The following TNS1 variants were observed in gnomAD, a reference collection of about 807,000 sequenced individuals.
The protein encoded by TNS1 is tensin 1.
In TNS1, 62 loss-of-function variants were observed where a neutral mutation model predicts 168.6. The ratio of observed to expected loss-of-function variants is 0.37; its 90% CI spans 0.30 to 0.45. The LOEUF is 0.45. Ranked by LOEUF, TNS1 falls within the 20% of genes least tolerant of loss-of-function variation. TNS1 has a pLI of 1.00. For missense variants in TNS1, 2,240 were observed against 2,339.4 expected (o/e 0.96, Z 0.88); for synonymous variants, 934 against 933.2 (o/e 1.00, Z -0.02).
At chr2:217,941,336 T>C (rs1477131965) in intron 3 of TNS1, among the ~76,000 whole-genome samples, 3 of 152,056 alleles carry the variant, frequency 2.0e-5, no homozygotes, top group Non-Finnish European at 2.9e-5. Flanking sequence ...GTGCTTGCTG[T>C]CCCCTCAACT....
rs1958909211 is a variant in TNS1, at chr2:218,032,919, A to T, written c.156+901T>A. 6.6e-6 allele frequency among the ~76,000 whole-genome samples: 1 copy of T among 152,002 alleles called. No individual in the cohort carries two copies. The highest frequency in any genetic ancestry group is 2.4e-5 in the African/African-American group (1 of 41,378). On this transcript the variant is annotated intron_variant, in intron 1 of 1. Coordinates refer to the TNS1 transcript ENST00000649572. The surrounding 1 kb of genome is among the most constrained non-coding windows in gnomAD (Gnocchi z 4.0). ...CCCTGCCACTGTCACACACCGGCAC[A>T]CACACCCTCCCCTCTTTCTCCCCTT... is the stretch of plus-strand genomic sequence containing the variant.
Position 217,948,898 on chromosome 2 carries a change from AAGG to A in TNS1, c.187-28665_187-28663del, listed in dbSNP as rs3838558. ...CTTTGCTGCACATCCCCACCTCGGG[AAGG>A]AGAAGTGCTGGGCTTTCCACATTCC... On this transcript the variant is annotated intron_variant, in intron 3 of 32. Transcript: ENST00000682258. This position sits in a 1 kb window ranked among gnomAD's most constrained non-coding sequence, Gnocchi z 4.1. Among the ~76,000 whole-genome samples, 9,243 of 152,264 alleles carry A rather than the reference AAGG, an allele frequency of 0.061. 365 individuals carry two copies. The highest frequency in any genetic ancestry group is 0.1 in the African/African-American group (4,359 of 41,524).
At chr2:217,829,800 T>C in intron 22 of TNS1, 1 of 1,613,318 alleles carries the variant, frequency 6.2e-7, no homozygotes, top group Non-Finnish European at 8.5e-7. Context: ...TGAAAAGCCA[T>C]TTCCAGACCC....
At chr2:218,021,081 A>G (rs1164143281) in intron 1 of TNS1, among the ~76,000 whole-genome samples, 2 of 152,230 alleles carry the variant, frequency 1.3e-5, no homozygotes, top group Admixed American at 6.5e-5. Context: ...AGAGCACTGA[A>G]TAAGCCTGTG....
chr2:218,029,860 G>T (rs1244041016), intron 1 of TNS1, among the ~76,000 whole-genome samples: 1 of 152,198 alleles, frequency 6.6e-6, no homozygotes, highest in Non-Finnish European at 1.5e-5. Flanking sequence ...TGTTCAGTCA[G>T]TGGGAAGTTT....
intron 1 of TNS1, among the ~76,000 whole-genome samples, chr2:218,009,486 A>C (rs1958687176): frequency 1.3e-5 from 2 of 151,344 alleles, no homozygotes; most frequent in Admixed American, 1.3e-4. Flanking sequence ...CACCCACAGC[A>C]CTGCAGGTTC....
intron 7 of TNS1, among the ~76,000 whole-genome samples, chr2:217,899,275 C>A (rs1347463470): frequency 6.6e-6 from 1 of 152,126 alleles, no homozygotes; most frequent in African/African-American, 2.4e-5. Context: ...AGGTAAGGAG[C>A]CCGGTTTGAG....
At chr2:218,020,094 G>T (rs895966923) in intron 1 of TNS1, among the ~76,000 whole-genome samples, 1 of 152,052 alleles carries the variant, frequency 6.6e-6, no homozygotes, top group Non-Finnish European at 1.5e-5. Context: ...CAACAATAAG[G>T]GGTTCCTTTT....
intron 1 of TNS1, among the ~76,000 whole-genome samples, chr2:218,029,391 C>T (rs1249377112): frequency 6.6e-6 from 1 of 152,222 alleles, no homozygotes; most frequent in Non-Finnish European, 1.5e-5. Flanking sequence ...GAGACATCAT[C>T]AAAATGGAGG....
intron 2 of TNS1, 116 bp downstream of exon 2, chr2:217,990,826 C>T (rs1466116871): frequency 2.4e-5 from 10 of 421,846 alleles, no homozygotes; most frequent in East Asian, 3.4e-5. Flanking sequence ...GAGAACAAGG[C>T]GTCAGGTTGG....
At chr2:217,864,723 A>T (rs962847229) in intron 18 of TNS1, among the ~76,000 whole-genome samples, 8 of 152,230 alleles carry the variant, frequency 5.3e-5, no homozygotes, top group Non-Finnish European at 1.2e-4. Context: ...TTCTGGAAAC[A>T]AGTAGAACAC....
intron 32 of TNS1, among the ~76,000 whole-genome samples, chr2:217,806,130 C>G (rs1451097894): frequency 2.6e-5 from 4 of 152,200 alleles, no homozygotes; most frequent in African/African-American, 4.8e-5. Context: ...GGGTGTCTAC[C>G]AGGATGGAGA....
chr2:217,962,706 T>C (rs1054012017), intron 3 of TNS1, among the ~76,000 whole-genome samples: 9 of 152,106 alleles, frequency 5.9e-5, no homozygotes, highest in African/African-American at 9.7e-5. Flanking sequence ...CACACCCAAA[T>C]TGAGGGACAT....
At chr2:217,847,183 A>G (rs2125418899) in intron 19 of TNS1, among the ~76,000 whole-genome samples, 1 of 152,294 alleles carries the variant, frequency 6.6e-6, no homozygotes, top group South Asian at 2.1e-4. Flanking sequence ...TTGCTTTCCC[A>G]GGCTCTGGGA....
At chr2:217,893,337 C>A in intron 10 of TNS1, 102 bp downstream of exon 10, 1 of 1,460,758 alleles carries the variant, frequency 6.8e-7, no homozygotes, top group South Asian at 1.4e-5. Context: ...AAGATATAGG[C>A]AGGTACACAC....
At position 218,031,089 on chromosome 2, in the gene TNS1, TGA is replaced by T. The variant is rs369485390; in HGVS notation, c.156+2729_156+2730del. On this transcript the variant is annotated intron_variant, in intron 1 of 1. Coordinates refer to the TNS1 transcript ENST00000649572. ...GTGTATGTGTGTGTTTGTGAGTGTG[TGA>T]GCGTGTCTGTGTGTATGAGTGTGTG... Among the ~76,000 whole-genome samples, 924 of 148,818 alleles carry T rather than the reference TGA, an allele frequency of 6.2e-3. 15 individuals carry two copies. The highest frequency in any genetic ancestry group is 0.022 in the African/African-American group (853 of 39,154).
At chr2:217,908,071 T>G (rs1953919839) in intron 4 of TNS1, among the ~76,000 whole-genome samples, 1 of 152,216 alleles carries the variant, frequency 6.6e-6, no homozygotes. Flanking sequence ...AACTATTGTT[T>G]TATTTGTGAT....
chr2:217,919,682 A>T (rs953455626), intron 4 of TNS1, among the ~76,000 whole-genome samples: 1 of 152,248 alleles, frequency 6.6e-6, no homozygotes, highest in African/African-American at 2.4e-5. Context: ...TGCAAGGCTG[A>T]TTCGGGGGTG....
chr2:217,866,005 CAGAAAATCT>C (rs1040861764), intron 18 of TNS1, among the ~76,000 whole-genome samples: 1 of 152,156 alleles, frequency 6.6e-6, no homozygotes, highest in Non-Finnish European at 1.5e-5. Flanking sequence ...CCTCAACTTT[CAGAAAATCT>C]AGAAAATCTA....
Sources: allele counts gnomAD v4.1 joint callset (sites outside exome capture counted in the v4.1 genomes callset), GRCh38; gene constraint gnomAD v4.1.1; non-coding constraint Gnocchi (gnomAD v3.1); transcripts MANE v1.5; gene names NCBI Gene and HGNC (gene_info 2026-07-23, HGNC 2026-07-21).